Variants in TTC39C observed in about 807,000 individuals in gnomAD.
TTC39C encodes the protein tetratricopeptide repeat protein 39C.
TTC39C carries 33 observed loss-of-function variants against 76.3 expected under a neutral mutation model. That is an observed-to-expected ratio of 0.43 (90% confidence interval 0.33 to 0.58). The LOEUF is 0.58. Ranked by LOEUF, TTC39C falls within the 20% of genes least tolerant of loss-of-function variation. The probability of loss-of-function intolerance (pLI) is 0.04; values close to 1 mark genes in which losing one functional copy is unlikely to be tolerated. For synonymous variants in TTC39C, 254 were observed against 260.6 expected (o/e 0.97, Z 0.24); for missense variants, 595 against 701.4 (o/e 0.85, Z 1.71).
At chr18:24,093,984 A>C (rs1254587786) in intron 6 of TTC39C, among the ~76,000 whole-genome samples, 1 of 152,134 alleles carries the variant, frequency 6.6e-6, no homozygotes, top group Non-Finnish European at 1.5e-5. Context: ...TCCTTTCACG[A>C]ATGATTTCTC....
chr18:24,106,538 G>A (rs903227921), intron 6 of TTC39C, among the ~76,000 whole-genome samples: 13 of 152,302 alleles, frequency 8.5e-5, no homozygotes, highest in Admixed American at 3.9e-4. Context: ...CCTCACTGAC[G>A]TGGTTAGGAG....
chr18:24,012,948 G>C (rs2083405232), upstream of TTC39C: 1 of 152,068 alleles, frequency 6.6e-6, no homozygotes, highest in Admixed American at 6.6e-5. Context: ...ATTCAGTGCT[G>C]CCTCAGTGGG....
chr18:24,023,486 T>C (rs2083540288), intron 1 of TTC39C, among the ~76,000 whole-genome samples: 1 of 152,186 alleles, frequency 6.6e-6, no homozygotes. Context: ...GCCTGGGCAT[T>C]GTAACTCTGG....
chr18:24,029,790 G>A (rs8094929), intron 1 of TTC39C, among the ~76,000 whole-genome samples: 143,790 of 152,270 alleles, frequency 0.94, 68,286 homozygotes, highest in East Asian at 1. Flanking sequence ...CACTTAGAAT[G>A]ATGGTCTCCA....
chr18:24,072,458 G>A (rs2084253592), intron 4 of TTC39C, among the ~76,000 whole-genome samples: 1 of 152,152 alleles, frequency 6.6e-6, no homozygotes, highest in Non-Finnish European at 1.5e-5. Context: ...ACCACTCCTG[G>A]CTAATTTTTG....
At chr18:24,130,894 TAA>T (rs1265845792) in intron 12 of TTC39C, among the ~76,000 whole-genome samples, 3 of 151,254 alleles carry the variant, frequency 2.0e-5, no homozygotes, top group Non-Finnish European at 4.4e-5. Context: ...TTTTAAAAGT[TAA>T]AATATGGCCA....
chr18:24,135,107 A>G lies in TTC39C; in HGVS notation c.*2533A>G, dbSNP rs1039814607. 6.6e-6 allele frequency: 1 copy of G among 151,972 alleles called. No individual in the cohort carries two copies. The highest frequency in any genetic ancestry group is 2.4e-5 in the African/African-American group (1 of 41,330). 9.4% of individuals were successfully genotyped at this position (151,972 alleles called of 1,614,324 possible). On this transcript the variant is annotated 3_prime_UTR_variant, in exon 14 of 14. Coordinates refer to ENST00000317571, the MANE Select transcript of TTC39C (RefSeq NM_001135993.2). ...AACCTCTGTCACCCGGGTTTAAGCG[A>G]TTCTTCTGCCTGAGCCTCCCAAGTA... is the stretch of plus-strand genomic sequence containing the variant.
intron 1 of TTC39C, among the ~76,000 whole-genome samples, chr18:24,009,738 C>T (rs1329686374): frequency 1.3e-5 from 2 of 152,230 alleles, no homozygotes; most frequent in Non-Finnish European, 2.9e-5. Context: ...CCTTCTTCCC[C>T]AGTTTTGTCC....
intron 1 of TTC39C, among the ~76,000 whole-genome samples, chr18:24,046,559 A>G (rs1258217624): frequency 6.6e-6 from 1 of 151,854 alleles, no homozygotes; most frequent in Admixed American, 6.5e-5. Flanking sequence ...GCATTACCTT[A>G]GTTATGACTT....
chr18:24,072,623 G>A (rs2145744639), intron 4 of TTC39C, among the ~76,000 whole-genome samples: 1 of 152,278 alleles, frequency 6.6e-6, no homozygotes, highest in African/African-American at 2.4e-5. Context: ...AAAAAAGCTT[G>A]TGTTTATCTC....
At chr18:24,101,495 G>T (rs946297242) in intron 6 of TTC39C, among the ~76,000 whole-genome samples, 2 of 151,798 alleles carry the variant, frequency 1.3e-5, no homozygotes, top group Admixed American at 1.3e-4. Flanking sequence ...GGAGGTGGAG[G>T]TCGCAGTGAG....
intron 6 of TTC39C, among the ~76,000 whole-genome samples, chr18:24,098,014 C>A (rs1021000684): frequency 1.3e-5 from 2 of 151,862 alleles, no homozygotes; most frequent in Non-Finnish European, 2.9e-5. Flanking sequence ...TTTTGAAGAC[C>A]CTGCCTATGT....
chr18:24,048,007 GTTTAT>G (rs1247845583), intron 1 of TTC39C, among the ~76,000 whole-genome samples: 4 of 152,114 alleles, frequency 2.6e-5, no homozygotes. Flanking sequence ...ATTTAGCCAT[GTTTAT>G]TTTATACATG....
intron 1 of TTC39C, among the ~76,000 whole-genome samples, chr18:24,025,929 G>T (rs753619554): frequency 6.6e-6 from 1 of 152,198 alleles, no homozygotes; most frequent in Non-Finnish European, 1.5e-5. Flanking sequence ...CGTTGGTGAC[G>T]GCAGGCAGCA....
At chr18:24,128,672 A>T (rs2085081721) in intron 10 of TTC39C, among the ~76,000 whole-genome samples, 1 of 152,182 alleles carries the variant, frequency 6.6e-6, no homozygotes, top group Admixed American at 6.5e-5. Context: ...CTAGTACAGT[A>T]CCTCATACAA....
At chr18:24,038,585 C>G (rs761974390) in intron 1 of TTC39C, among the ~76,000 whole-genome samples, 1 of 152,102 alleles carries the variant, frequency 6.6e-6, no homozygotes, top group Non-Finnish European at 1.5e-5. Context: ...GCCTGGCCCA[C>G]ACAGCATATA....
chr18:24,066,163 G>A, intron 3 of TTC39C, 23 bp downstream of exon 3: 4 of 1,576,142 alleles, frequency 2.5e-6, no homozygotes, highest in Non-Finnish European at 3.4e-6. Context: ...GCTTTAGGTT[G>A]TGGACTGTGT....
chr18:24,101,757 A>C (rs1187126595), intron 6 of TTC39C, among the ~76,000 whole-genome samples: 1 of 152,048 alleles, frequency 6.6e-6, no homozygotes, highest in Non-Finnish European at 1.5e-5. Context: ...TCTTCATTGG[A>C]GTTGTATGGC....
At position 24,123,388 on chromosome 18, in the gene TTC39C, TG is replaced by T. The variant is rs1018152520; in HGVS notation, c.1187-445del. ...GTCCTTTGTGGAACAGTCTTTTTTT[TG>T]TTTGTTTGTTTGTTTGTTTGTTTGT... On this transcript the variant is annotated intron_variant, in intron 8 of 13. Transcript: ENST00000317571. Among the ~76,000 whole-genome samples the T allele has an allele frequency of 0.016, 332 of 20,412 alleles. No individual in the cohort carries two copies. The Non-Finnish European group carries it at 0.36, about 22-fold the overall frequency. The allele number at this position is 20,412 out of a possible 152,430, so 13.4% of individuals were successfully genotyped here.
Sources: gnomAD v4.1 joint callset for allele counts (sites outside exome capture counted in the v4.1 genomes callset) on GRCh38, gnomAD v4.1.1 for gene constraint, MANE v1.5 for transcripts, NCBI Gene and HGNC (gene_info 2026-07-23, HGNC 2026-07-21) for gene names.